Variants in SEMA5A observed in about 807,000 individuals in gnomAD.
SEMA5A encodes semaphorin 5A.
In SEMA5A, 55 loss-of-function variants were observed where a neutral mutation model predicts 135.5. The ratio of observed to expected loss-of-function variants is 0.41; its 90% CI spans 0.33 to 0.51. The LOEUF (loss-of-function observed/expected upper bound fraction) is 0.51. SEMA5A is among the 20% of genes least tolerant of loss of function. The pLI is 0.37. For synonymous variants in SEMA5A, 580 were observed against 546.5 expected (o/e 1.06, Z -0.85); for missense variants, 1,290 against 1,419.9 (o/e 0.91, Z 1.47).
At chr5:9,344,678 A>T (rs1753787337) in intron 3 of SEMA5A, among the ~76,000 whole-genome samples, 1 of 152,236 alleles carries the variant, frequency 6.6e-6, no homozygotes, top group Non-Finnish European at 1.5e-5. Flanking sequence ...ACTTTCCAAG[A>T]CAAGTCCTAT....
intron 2 of SEMA5A, among the ~76,000 whole-genome samples, chr5:9,426,574 G>A (rs1366025672): frequency 2.6e-5 from 4 of 152,038 alleles, no homozygotes; most frequent in Admixed American, 1.3e-4. Context: ...GATGACTACC[G>A]CAGGCCCGTG....
chr5:9,052,330 G>A (rs1301672614), intron 19 of SEMA5A, among the ~76,000 whole-genome samples: 1 of 152,194 alleles, frequency 6.6e-6, no homozygotes, highest in African/African-American at 2.4e-5. Flanking sequence ...GTGAATCCAT[G>A]AGACCCAGCT....
chr5:9,390,958 A>G (rs1254777362), intron 2 of SEMA5A: 1 of 152,182 alleles, frequency 6.6e-6, no homozygotes, highest in Non-Finnish European at 1.5e-5. Flanking sequence ...GGACTCAAGG[A>G]GGTCCCATTT....
intron 11 of SEMA5A, among the ~76,000 whole-genome samples, chr5:9,172,725 C>T (rs3797932): frequency 0.098 from 14,912 of 152,054 alleles, 1,210 homozygotes; most frequent in African/African-American, 0.2. Context: ...GACAATAATG[C>T]TCAATATTTT....
At chr5:9,083,135 G>A (rs543183093) in intron 16 of SEMA5A, among the ~76,000 whole-genome samples, 4 of 152,232 alleles carry the variant, frequency 2.6e-5, no homozygotes, top group Admixed American at 2.0e-4. Context: ...CACAGCTATG[G>A]TCAACGTCCC....
chr5:9,142,958 A>T (rs1215479081), intron 12 of SEMA5A, among the ~76,000 whole-genome samples: 1 of 76,544 alleles, frequency 1.3e-5, no homozygotes, highest in African/African-American at 5.0e-5. Flanking sequence ...TCTCAGACAA[A>T]CAAACAAACA....
At position 9,270,151 on chromosome 5, in the gene SEMA5A, C is replaced by T. The variant is rs574036907; in HGVS notation, c.271-32261G>A. Among the ~76,000 whole-genome samples, 3 of 152,216 alleles carry T rather than the reference C, an allele frequency of 2.0e-5. No individual in the cohort carries two copies. In the East Asian group the frequency reaches 5.8e-4, roughly 29 times the overall value. ...CTGTGTGATCTGCCCGCAGGAGAAA[C>T]CCAGGGCATTGAGCCTCTCTGGTAG... On this transcript the variant is annotated intron_variant, in intron 5 of 22. Transcript: ENST00000382496.
rs142196501 is a variant in SEMA5A, at chr5:9,484,887, A to G, written c.-174-47035T>C. Among the ~76,000 whole-genome samples, 821 of 152,268 alleles carry G rather than the reference A, an allele frequency of 5.4e-3. 10 individuals are homozygous for G. The highest frequency in any genetic ancestry group is 0.019 in the African/African-American group (788 of 41,548). ...TCCATTACACAAGTGCCCCAGAGTC[A>G]GCGTAGTATCTATCCAACAGACACC... is the stretch of plus-strand genomic sequence containing the variant. On this transcript the variant is annotated intron_variant, in intron 1 of 22. Transcript: ENST00000382496.
chr5:9,439,597 A>G lies in SEMA5A; in HGVS notation c.-174-1745T>C, dbSNP rs577716961. 9.4e-4 allele frequency among the ~76,000 whole-genome samples: 143 copies of G among 152,332 alleles called. 1 individual carries two copies. In the South Asian group the frequency reaches 0.028, roughly 30 times the overall value. ...AGCTGATGTGAACCCTCAGCTGGAC[A>G]GCAAAACCACACCTGCAGAATATGG... is the stretch of plus-strand genomic sequence containing the variant. On this transcript the variant is annotated intron_variant, in intron 1 of 22. Coordinates refer to ENST00000382496, the MANE Select transcript of SEMA5A (RefSeq NM_003966.3).
At chr5:9,136,020 C>T (rs1006209548) in intron 13 of SEMA5A, among the ~76,000 whole-genome samples, 2 of 152,288 alleles carry the variant, frequency 1.3e-5, no homozygotes, top group Admixed American at 6.5e-5. Flanking sequence ...CTCTTCCAGA[C>T]CTTCCTGTGA....
intron 16 of SEMA5A, among the ~76,000 whole-genome samples, chr5:9,070,660 A>G (rs900698149): frequency 5.9e-5 from 9 of 152,220 alleles, no homozygotes; most frequent in Admixed American, 2.6e-4. Flanking sequence ...AGGTGGGCAC[A>G]GCTCACGGCT....
At chr5:9,454,380 T>C (rs915649394) in intron 1 of SEMA5A, among the ~76,000 whole-genome samples, 1 of 152,232 alleles carries the variant, frequency 6.6e-6, no homozygotes, top group African/African-American at 2.4e-5. Context: ...ATATTCCTGA[T>C]GACCAAGGCT....
At chr5:9,252,593 A>T (rs1373532833) in intron 5 of SEMA5A, among the ~76,000 whole-genome samples, 1 of 152,148 alleles carries the variant, frequency 6.6e-6, no homozygotes, top group Non-Finnish European at 1.5e-5. Flanking sequence ...AATACAGCAA[A>T]AACTATCCCA....
chr5:9,064,696 C>G (rs977960264), intron 17 of SEMA5A, among the ~76,000 whole-genome samples: 1 of 152,110 alleles, frequency 6.6e-6, no homozygotes, highest in Non-Finnish European at 1.5e-5. Flanking sequence ...CACTGTACTC[C>G]AGCCTGGGCA....
intron 12 of SEMA5A, among the ~76,000 whole-genome samples, chr5:9,152,780 G>T (rs1742699768): frequency 6.6e-6 from 1 of 152,176 alleles, no homozygotes; most frequent in Non-Finnish European, 1.5e-5. Context: ...TCAAGAAACA[G>T]CAACAACAGG....
intron 15 of SEMA5A, among the ~76,000 whole-genome samples, chr5:9,114,267 A>G (rs112473445): frequency 0.016 from 2,429 of 152,342 alleles, 32 homozygotes; most frequent in African/African-American, 0.04. Context: ...TAGAGACAGA[A>G]CATAAATTAG....
At chr5:9,442,882 A>C (rs268529) in intron 1 of SEMA5A, among the ~76,000 whole-genome samples, 57,462 of 152,140 alleles carry the variant, frequency 0.38, 11,716 homozygotes, top group African/African-American at 0.55. Flanking sequence ...AGGGCAATAA[A>C]CTAAATGACG....
chr5:9,361,396 T>G (rs1474031609), intron 3 of SEMA5A, among the ~76,000 whole-genome samples: 1 of 152,082 alleles, frequency 6.6e-6, no homozygotes, highest in Non-Finnish European at 1.5e-5. Flanking sequence ...AAAGACATGG[T>G]TCTGTTATAC....
chr5:9,074,254 A>C (rs1737923636), intron 16 of SEMA5A, among the ~76,000 whole-genome samples: 1 of 152,210 alleles, frequency 6.6e-6, no homozygotes, highest in African/African-American at 2.4e-5. Flanking sequence ...GAGAAAGCAT[A>C]GTCTCTTCTG....
Sources: allele counts gnomAD v4.1 joint callset (sites outside exome capture counted in the v4.1 genomes callset), GRCh38; gene constraint gnomAD v4.1.1; transcripts MANE v1.5; gene names NCBI Gene and HGNC (gene_info 2026-07-23, HGNC 2026-07-21).